ETV4: variants seen among roughly 807,000 people sequenced by gnomAD.
ETV4 encodes ETS translocation variant 4.
In ETV4, 42 loss-of-function variants were observed where a neutral mutation model predicts 65.9. The observed-to-expected ratio is 0.64, with a 90% CI of 0.50 to 0.82. The LOEUF (loss-of-function observed/expected upper bound fraction) is 0.82, where lower values mean the gene tolerates loss of function less well. ETV4 is among the 40% of genes least tolerant of loss of function. ETV4 has a pLI of 0.00. For missense variants in ETV4, 583 were observed against 630.3 expected (o/e 0.92, Z 0.80); for synonymous variants, 238 against 260.0 (o/e 0.92, Z 0.81).
intron 4 of ETV4, among the ~76,000 whole-genome samples, chr17:43,536,848 C>T (rs1297598748): frequency 6.6e-6 from 1 of 152,258 alleles, no homozygotes; most frequent in Admixed American, 6.5e-5. Flanking sequence ...TAGTGTCTTC[C>T]ACCTCTGGGC....
rs1162037414 is a variant in ETV4 at position 43,532,744 on chromosome 17, G to A, written c.741C>T (p.Val247=). ...CCGCCCCTGGGTACCTGTGCCCATT[G>A]ACCCCACCCTGGTCCACGGCTGGCT... ...AGQPAVDQGG[V]NGHRYPGAGV... Residue 247 remains valine, a synonymous_variant, in exon 8 of 13, where the codon GTC becomes GTT. Transcript: ENST00000319349. The A allele has an allele frequency of 2.5e-6, 4 of 1,613,946 alleles. No homozygotes were observed. In the South Asian group the frequency reaches 4.4e-5, roughly 18 times the overall value.
chr17:43,530,497 G>C, intron 8 of ETV4: 1 of 1,227,074 alleles, frequency 8.1e-7, no homozygotes, highest in Non-Finnish European at 1.1e-6. Context: ...GGGGAGGAGG[G>C]AGGGTGAGAT....
In ETV4 at chr17:43,529,914, C is replaced by T; in HGVS notation, c.925G>A (p.Asp309Asn). The change falls in exon 10 of 13, where the codon GAT becomes AAT. Residue 309 changes from aspartate (D) to asparagine (N), a missense_variant. Coordinates refer to ENST00000319349, the MANE Select transcript of ETV4 (RefSeq NM_001079675.5). ...AATTTCTCAGGGACAACGCAGACAT[C>T]ATCTGGGAATGGTCGCAGAGGTTTC... ...YEKPLRPFPD[D>N]VCVVPEKFEG... The T allele has an allele frequency of 6.2e-7, 1 of 1,614,168 alleles. No homozygotes were observed. Among genetic ancestry groups the T allele is most frequent in the South Asian group, 1.1e-5 (1 of 91,082 alleles).
intron 3 of ETV4, 112 bp from the exon 4 acceptor site, chr17:43,545,134 G>T: frequency 7.4e-7 from 1 of 1,359,732 alleles, no homozygotes; most frequent in South Asian, 1.2e-5. Context: ...CGAGAAGAAT[G>T]ACCAAAATCC....
intron 4 of ETV4, among the ~76,000 whole-genome samples, chr17:43,540,857 G>A (rs1051564048): frequency 1.3e-5 from 2 of 152,122 alleles, no homozygotes; most frequent in African/African-American, 4.8e-5. Context: ...AGGCAAGAAG[G>A]GTCCCAAGGG....
intron 3 of ETV4, 34 bp downstream of exon 3, chr17:43,545,237 CGGA>C (rs746897484): frequency 1.4e-6 from 1 of 710,508 alleles, no homozygotes; most frequent in Admixed American, 3.1e-5. Flanking sequence ...GTGTGTGTGG[CGGA>C]GGAGGGTCGC....
intron 11 of ETV4, 86 bp downstream of exon 11, chr17:43,529,418 G>C: frequency 6.7e-7 from 1 of 1,493,408 alleles, no homozygotes. Flanking sequence ...AATCATGATG[G>C]AGGCACGTGC....
intron 4 of ETV4, among the ~76,000 whole-genome samples, chr17:43,539,333 C>T (rs970543477): frequency 2.6e-5 from 4 of 152,174 alleles, no homozygotes; most frequent in African/African-American, 7.2e-5. Context: ...TCCTGACCAT[C>T]AGAGTCTCAG....
chr17:43,534,426 G>A (rs149266798), intron 5 of ETV4, among the ~76,000 whole-genome samples: 4,190 of 152,018 alleles, frequency 0.028, 89 homozygotes, highest in Non-Finnish European at 0.042. Context: ...CCCAGGAGGC[G>A]GGGATTGCAG....
At chr17:43,545,899 C>T in intron 1 of ETV4, 2 of 562,538 alleles carry the variant, frequency 3.6e-6, no homozygotes, top group East Asian at 3.1e-5. Flanking sequence ...CTGCTTTCTG[C>T]AGCCCTGCTT....
At chr17:43,532,496 C>CAA (rs1202639826) in intron 8 of ETV4, among the ~76,000 whole-genome samples, 178 bp downstream of exon 8, 1 of 124,598 alleles carries the variant, frequency 8.0e-6, no homozygotes, top group Non-Finnish European at 1.7e-5. Flanking sequence ...GACCCCATTT[C>CAA]AAAAAAAAAA....
chr17:43,539,997 C>A (rs1000198090), intron 4 of ETV4, among the ~76,000 whole-genome samples: 5 of 152,330 alleles, frequency 3.3e-5, no homozygotes, highest in African/African-American at 1.2e-4. Context: ...CATAATAATA[C>A]TTTGGTCTGA....
intron 1 of ETV4, chr17:43,545,885 G>A: frequency 1.7e-6 from 1 of 579,814 alleles, no homozygotes; most frequent in East Asian, 2.9e-5. Context: ...CGGGCTCGCC[G>A]TTTCTGCTTT....
chr17:43,541,331 C>T (rs1312290696), intron 4 of ETV4, among the ~76,000 whole-genome samples: 1 of 152,198 alleles, frequency 6.6e-6, no homozygotes, highest in Non-Finnish European at 1.5e-5. Flanking sequence ...ACACCACTCT[C>T]TTTATTTATT....
At chr17:43,537,541 A>T (rs1212057855) in intron 4 of ETV4, among the ~76,000 whole-genome samples, 2 of 151,436 alleles carry the variant, frequency 1.3e-5, no homozygotes, top group African/African-American at 2.4e-5. Flanking sequence ...CTAAAAAATT[A>T]AAAAATTAGT....
chr17:43,533,685 G>A (rs753929955), intron 6 of ETV4, among the ~76,000 whole-genome samples, 174 bp downstream of exon 6: 8 of 152,024 alleles, frequency 5.3e-5, no homozygotes, highest in Non-Finnish European at 8.8e-5. Flanking sequence ...CCTCTGCTGC[G>A]TTTTCCGTCT....
chr17:43,545,941 G>GTT (rs1432760671), intron 1 of ETV4: 33 of 261,034 alleles, frequency 1.3e-4, no homozygotes, highest in Non-Finnish European at 1.7e-4. Context: ...GAACGTGTGT[G>GTT]TGTGTGTGTG....
intron 4 of ETV4, chr17:43,544,447 A>C (rs1971694862): frequency 6.5e-6 from 1 of 153,276 alleles, no homozygotes; most frequent in Non-Finnish European, 1.5e-5. Flanking sequence ...ACTGCCGAAA[A>C]GAATTATTTA....
chr17:43,534,768 C>T (rs1056709284), intron 5 of ETV4, among the ~76,000 whole-genome samples: 1 of 152,068 alleles, frequency 6.6e-6, no homozygotes, highest in East Asian at 1.9e-4. Flanking sequence ...AGAGAAACCC[C>T]ATCTCTACTA....
Sources: gnomAD v4.1 joint callset for allele counts (sites outside exome capture counted in the v4.1 genomes callset) on GRCh38, gnomAD v4.1.1 for gene constraint, MANE v1.5 for transcripts, NCBI Gene and HGNC (gene_info 2026-07-23, HGNC 2026-07-21) for gene names.